Variants in VPS13C observed in about 807,000 individuals in gnomAD.
The protein encoded by VPS13C is intermembrane lipid transfer protein VPS13C.
In VPS13C, 358 loss-of-function variants were observed where a neutral mutation model predicts 456.8. That is an observed-to-expected ratio of 0.78 (90% CI 0.72 to 0.86). The LOEUF (loss-of-function observed/expected upper bound fraction) is 0.86, where lower values mean the gene tolerates loss of function less well. Ranked by LOEUF, VPS13C falls within the 40% of genes least tolerant of loss-of-function variation. VPS13C has a pLI of 0.00. For missense variants in VPS13C, 4,818 were observed against 4,385.4 expected, an observed-to-expected ratio of 1.10 and a Z score of -2.79; for synonymous variants, 1,578 against 1,486.7, an observed-to-expected ratio of 1.06 and a Z score of -1.41.
chr15:61,929,651 C>A lies in VPS13C; in HGVS notation c.6136G>T (p.Asp2046Tyr), dbSNP rs114376265. The A allele has an allele frequency of 1.2e-6, 2 of 1,614,048 alleles. No individual in the cohort carries two copies. Among genetic ancestry groups the A allele is most frequent in the African/African-American group, 1.3e-5 (1 of 75,030 alleles). The change falls in exon 51 of 85, where the codon GAC (aspartate) becomes TAC (tyrosine). Residue 2046 changes from aspartate (D) to tyrosine (Y), a missense_variant. This residue lies in a region of VPS13C where 4,552 missense variants were observed against 4,130.6 expected (regional missense o/e 1.10). Coordinates refer to ENST00000644861, the MANE Select transcript of VPS13C (RefSeq NM_020821.3). ...KNGSQIDAVL[D>Y]KLYVCASVEF... ...ACACTGGCACATACATACAGCTTGT[C>A]AAGAACAGCATCAATTTGACTTCCA...
intron 31 of VPS13C, 48 bp from the exon 32 acceptor site, chr15:61,963,999 T>C (rs770196246): frequency 7.3e-6 from 9 of 1,240,328 alleles, no homozygotes; most frequent in Non-Finnish European, 1.0e-5. Context: ...TCTAGTCATC[T>C]ACATTCTTTT....
In VPS13C at chr15:61,946,328, A is replaced by G. The variant is rs1250956817; in HGVS notation, c.4959T>C (p.Asp1653=). 1.9e-6 allele frequency: 3 copies of G among 1,601,200 alleles called. No homozygotes were observed. The highest frequency in any genetic ancestry group is 2.6e-6 in the Non-Finnish European group (3 of 1,175,780). Residue 1653 remains aspartate (D), a synonymous_variant, in exon 44 of 85, where the codon GAT becomes GAC. Coordinates refer to ENST00000644861, the MANE Select transcript of VPS13C (RefSeq NM_020821.3). ...TCACCTTTTTGTGAATGGACTGCAA[A>G]TCTACATTCATAACTATAATATCTT... ...RLKDIIVMNV[D]LQSIHKKAVS...
intron 15 of VPS13C, among the ~76,000 whole-genome samples, chr15:62,002,863 T>C (rs1185029440): frequency 6.6e-6 from 1 of 152,206 alleles, no homozygotes; most frequent in Non-Finnish European, 1.5e-5. Context: ...GGCTCTGTTC[T>C]GTTCCATTGA....
intron 29 of VPS13C, among the ~76,000 whole-genome samples, chr15:61,966,734 A>T (rs1343478863): frequency 6.6e-6 from 1 of 151,902 alleles, no homozygotes; most frequent in African/African-American, 2.4e-5. Flanking sequence ...GCTTTTCTTT[A>T]TTAGGGAATC....
At chr15:62,001,729 T>G (rs980569580) in intron 15 of VPS13C, among the ~76,000 whole-genome samples, 8 of 152,184 alleles carry the variant, frequency 5.3e-5, no homozygotes, top group African/African-American at 7.2e-5. Flanking sequence ...CCATGTGTTC[T>G]CATTGTTCAG....
Position 61,869,610 on chromosome 15 carries a change from T to C in VPS13C, c.10638A>G (p.Glu3546=). 6.2e-7 allele frequency: 1 copy of C among 1,614,108 alleles called. No individual in the cohort carries two copies. The highest frequency in any genetic ancestry group is 8.5e-7 in the Non-Finnish European group (1 of 1,179,982). Residue 3546 remains glutamate, a synonymous_variant, in exon 80 of 85, where the codon GAA becomes GAG. Coordinates refer to ENST00000644861, the MANE Select transcript of VPS13C (RefSeq NM_020821.3). ...ITKPVEGAKK[E]GAAGFFKGIG... The stretch of plus-strand genomic sequence containing the variant: ...TTCCTTTAAAGAATCCAGCAGCTCC[T>C]TCCTTTTTGGCACCTTCAGAAAACC...
chr15:61,965,636 CCTT>C (rs1218529969), intron 30 of VPS13C, among the ~76,000 whole-genome samples: 3 of 151,880 alleles, frequency 2.0e-5, no homozygotes, highest in Non-Finnish European at 4.4e-5. Context: ...TCGCCTCTCT[CCTT>C]TTCTTTTTAG....
chr15:61,962,256 AT>A, intron 34 of VPS13C, 114 bp downstream of exon 34: 1 of 906,482 alleles, frequency 1.1e-6, no homozygotes, highest in Non-Finnish European at 1.6e-6. Context: ...ACGCATAAAT[AT>A]AATTAAAATA....
At position 61,984,903 on chromosome 15, in the gene VPS13C, C is replaced by A. The variant is rs1193459859; in HGVS notation, c.1675G>T (p.Gly559Cys). The A allele has an allele frequency of 6.2e-7, 1 of 1,612,634 alleles. No individual in the cohort carries two copies. Among genetic ancestry groups the A allele is most frequent in the Non-Finnish European group, 8.5e-7 (1 of 1,179,644 alleles). The change falls in exon 19 of 85, where the codon GGC becomes TGC. Residue 559 changes from glycine (G) to cysteine (C), a missense_variant. Gly to Cys is a radical substitution (Grantham distance 159). Around this residue, in one of 3 missense-constraint regions of VPS13C, gnomAD observed 4,552 missense variants for 4,130.6 expected, o/e 1.10. Transcript: ENST00000644861. ...CGCTGAGATACTTGAGTGCCCAGGC[C>A]AATTATCTGAATTTTTAGTATTTCT... Reference protein sequence around the residue: ...IPEILKIQIIGLGTQVSQRPG... With the variant: ...IPEILKIQIICLGTQVSQRPG...
At chr15:62,058,663 CA>C (rs944829199) in intron 1 of VPS13C, among the ~76,000 whole-genome samples, 169 of 152,254 alleles carry the variant, frequency 1.1e-3, no homozygotes, top group African/African-American at 3.9e-3. Context: ...TTGGTATGGT[CA>C]GGGGTACTGA....
In VPS13C at chr15:61,917,573, T is replaced by C. The variant is rs973272875; in HGVS notation, c.7823A>G (p.Tyr2608Cys). The C allele has an allele frequency of 6.8e-6, 11 of 1,613,990 alleles. No homozygotes were observed. The highest frequency in any genetic ancestry group is 9.3e-6 in the Non-Finnish European group (11 of 1,179,882). ...ATGAAGTTCTTCCTTCCAGGAAATATAAGTGGTAGATTCTTTGTACTGATG... is the reference window on the plus strand; with the variant it reads ...ATGAAGTTCTTCCTTCCAGGAAATACAAGTGGTAGATTCTTTGTACTGATG... ...LEHQYKESTT[Y>C]ISWKEELHRS... The change falls in exon 60 of 85, where the codon TAT becomes TGT. Residue 2608 changes from tyrosine to cysteine, a missense_variant. Physicochemically the swap from Tyr to Cys is radical, Grantham distance 194. Transcript: ENST00000644861.
intron 83 of VPS13C, among the ~76,000 whole-genome samples, 193 bp downstream of exon 83, chr15:61,856,093 T>C (rs1893888008): frequency 6.6e-6 from 1 of 152,222 alleles, no homozygotes. Context: ...GGTAGACTGA[T>C]ATTTCACTCT....
chr15:61,984,091 T>C, intron 19 of VPS13C, 79 bp from the exon 20 acceptor site: 2 of 1,365,430 alleles, frequency 1.5e-6, no homozygotes, highest in Non-Finnish European at 2.0e-6. Flanking sequence ...AATTTCCTTT[T>C]AAAAACGTCT....
In VPS13C at chr15:61,874,962, A is replaced by C; in HGVS notation, c.10339-11T>G. 2 of 1,536,122 alleles carry C rather than the reference A, an allele frequency of 1.3e-6. No homozygotes were observed. Among genetic ancestry groups the C allele is most frequent in the Non-Finnish European group, 1.7e-6 (2 of 1,150,882 alleles). On this transcript the variant is annotated splice_polypyrimidine_tract_variant and intron_variant, in intron 76 of 84. Transcript: ENST00000644861. The stretch of plus-strand genomic sequence containing the variant: ...GCCTTGAACAGCACCCTGGCAAAAA[A>C]AAATAAAAAATAATCTTATTATTTA...
intron 16 of VPS13C, among the ~76,000 whole-genome samples, chr15:61,997,430 C>G (rs547156721): frequency 1.0e-3 from 154 of 152,166 alleles, no homozygotes; most frequent in African/African-American, 3.6e-3. Flanking sequence ...CATGTGCTGA[C>G]CCTTCCTACA....
intron 2 of VPS13C, among the ~76,000 whole-genome samples, chr15:62,041,775 G>A (rs575302286): frequency 2.0e-5 from 3 of 151,906 alleles, no homozygotes; most frequent in Admixed American, 6.6e-5. Flanking sequence ...AGTCGGGATC[G>A]CGCCACTGCA....
intron 41 of VPS13C, 94 bp from the exon 42 acceptor site, chr15:61,949,699 A>G: frequency 1.6e-6 from 2 of 1,213,798 alleles, no homozygotes; most frequent in Non-Finnish European, 2.2e-6. Context: ...GAACAGTTCA[A>G]TTAAGGGCCT....
rs144528873 is a variant in VPS13C at position 61,962,683 on chromosome 15, C to G, written c.3435+66G>C. 2.4e-4 allele frequency: 329 copies of G among 1,344,284 alleles called. 4 individuals are homozygous for G. In the East Asian group the frequency reaches 7.9e-3, roughly 32 times the overall value. 83.3% of individuals were successfully genotyped at this position (1,344,284 alleles called of 1,614,324 possible). On this transcript the variant is annotated intron_variant, in intron 33 of 84. Coordinates refer to ENST00000644861, the MANE Select transcript of VPS13C (RefSeq NM_020821.3). ...TCATTAATGTTTTTAAAATAAAATACATTTTACAATAGAAGCTCATATTCA... is the reference window on the plus strand; with the variant it reads ...TCATTAATGTTTTTAAAATAAAATAGATTTTACAATAGAAGCTCATATTCA...
At chr15:61,908,263 C>A (rs2043204784) in intron 65 of VPS13C, among the ~76,000 whole-genome samples, 1 of 151,968 alleles carries the variant, frequency 6.6e-6, no homozygotes, top group Admixed American at 6.6e-5. Context: ...GGATTCACTC[C>A]ATTAGAATTA....
Sources: gnomAD v4.1 joint callset for allele counts (sites outside exome capture counted in the v4.1 genomes callset) on GRCh38, gnomAD v4.1.1 for gene constraint, gnomAD v4.1.1 regional missense constraint, MANE v1.5 for transcripts, NCBI Gene and HGNC (gene_info 2026-07-23, HGNC 2026-07-21) for gene names.